The following NRXN1 variants were observed in gnomAD, a reference collection of about 807,000 sequenced individuals.
The protein encoded by NRXN1 is neurexin 1.
In NRXN1, 39 loss-of-function variants were observed where a neutral mutation model predicts 150.9. That is an observed-to-expected ratio of 0.26 (90% CI 0.20 to 0.34). The LOEUF is 0.34. Ranked by LOEUF, NRXN1 falls within the 10% of genes least tolerant of loss-of-function variation. The pLI, the probability that NRXN1 is intolerant of heterozygous loss-of-function variation, is 1.00. For missense variants in NRXN1, 1,815 were observed against 1,949.9 expected, an observed-to-expected ratio of 0.93 and a Z score of 1.30; for synonymous variants, 924 against 757.0, an observed-to-expected ratio of 1.22 and a Z score of -3.62.
At chr2:50,863,155 C>G (rs1410511767) in intron 5 of NRXN1, among the ~76,000 whole-genome samples, 1 of 151,966 alleles carries the variant, frequency 6.6e-6, no homozygotes, top group Admixed American at 6.6e-5. Flanking sequence ...GAAAGTTACA[C>G]TAACAGCTTA....
At chr2:50,791,252 G>T (rs1484704175) in intron 5 of NRXN1, among the ~76,000 whole-genome samples, 2 of 143,870 alleles carry the variant, frequency 1.4e-5, no homozygotes, top group African/African-American at 5.2e-5. Flanking sequence ...ATTGGAAATT[G>T]GATAAGTTCC....
At chr2:50,087,673 G>T (rs1698980909) in intron 19 of NRXN1, among the ~76,000 whole-genome samples, 1 of 152,022 alleles carries the variant, frequency 6.6e-6, no homozygotes, top group Non-Finnish European at 1.5e-5. Context: ...TCTCTATATA[G>T]AAAATAATGG....
intron 17 of NRXN1, among the ~76,000 whole-genome samples, chr2:50,253,681 T>A (rs983768461): frequency 6.6e-6 from 1 of 152,216 alleles, no homozygotes; most frequent in South Asian, 2.1e-4. Context: ...ACATAGTTTT[T>A]GTCTTTAGTT....
chr2:50,951,963 A>ATATATTTTTT (rs1387961788), intron 2 of NRXN1, among the ~76,000 whole-genome samples: 5 of 74,822 alleles, frequency 6.7e-5, no homozygotes, highest in East Asian at 5.0e-4. Flanking sequence ...ATATATATAT[A>ATATATTTTTT]TTTTTTTTTT....
At chr2:50,632,621 G>T (rs146711149) in intron 5 of NRXN1, 1 of 152,010 alleles carries the variant, frequency 6.6e-6, no homozygotes, top group Non-Finnish European at 1.5e-5. Context: ...TGAGAGTCTT[G>T]TTATGAATGG....
chr2:50,931,796 A>G (rs1687780906), intron 2 of NRXN1, among the ~76,000 whole-genome samples: 1 of 152,224 alleles, frequency 6.6e-6, no homozygotes, highest in African/African-American at 2.4e-5. Context: ...GGAATAGGCC[A>G]TTCTTAGCTA....
chr2:50,071,728 G>C (rs1696324178), intron 19 of NRXN1, among the ~76,000 whole-genome samples: 1 of 152,142 alleles, frequency 6.6e-6, no homozygotes, highest in African/African-American at 2.4e-5. Context: ...TTTAAACGTA[G>C]TTTGAAATAA....
chr2:49,999,995 A>G (rs1683639109), intron 21 of NRXN1, among the ~76,000 whole-genome samples: 1 of 152,224 alleles, frequency 6.6e-6, no homozygotes. Context: ...TATATTAAAT[A>G]GAACCTCTCC....
intron 18 of NRXN1, among the ~76,000 whole-genome samples, chr2:50,200,585 G>A (rs999740597): frequency 5.3e-5 from 8 of 152,070 alleles, no homozygotes; most frequent in African/African-American, 1.9e-4. Context: ...GGCTCTCATT[G>A]GTGTAACCCT....
At chr2:50,737,888 G>A (rs1574298002) in intron 5 of NRXN1, among the ~76,000 whole-genome samples, 1 of 151,976 alleles carries the variant, frequency 6.6e-6, no homozygotes, top group African/African-American at 2.4e-5. Flanking sequence ...CTTTAAGAAA[G>A]ACTTTTCTTC....
intron 18 of NRXN1, among the ~76,000 whole-genome samples, chr2:50,189,434 C>T (rs2061313753): frequency 6.6e-6 from 1 of 152,042 alleles, no homozygotes; most frequent in Non-Finnish European, 1.5e-5. Context: ...TTAATGGGTG[C>T]AGCAAACCAC....
chr2:50,440,715 A>G (rs1323627269), intron 17 of NRXN1, among the ~76,000 whole-genome samples: 2 of 152,058 alleles, frequency 1.3e-5, no homozygotes, highest in Non-Finnish European at 2.9e-5. Context: ...ATTATCACAA[A>G]CAATAATCTT....
chr2:51,001,310 A>G (rs10195149), intron 2 of NRXN1, among the ~76,000 whole-genome samples: 93,978 of 149,242 alleles, frequency 0.63, 29,965 homozygotes, highest in East Asian at 0.74. Flanking sequence ...GAATTTTATT[A>G]AGCAAGAGTT....
At chr2:50,478,322 G>A (rs939800519) in intron 15 of NRXN1, among the ~76,000 whole-genome samples, 2 of 152,098 alleles carry the variant, frequency 1.3e-5, no homozygotes, top group Non-Finnish European at 2.9e-5. Flanking sequence ...GAGCTTACAA[G>A]TAAACAAATA....
intron 12 of NRXN1, among the ~76,000 whole-genome samples, chr2:50,516,985 A>C (rs1157431830): frequency 6.6e-6 from 1 of 152,184 alleles, no homozygotes; most frequent in Admixed American, 6.5e-5. Flanking sequence ...GTGCTGACCA[A>C]CTATATTGCA....
At chr2:50,272,026 A>G (rs997527628) in intron 17 of NRXN1, among the ~76,000 whole-genome samples, 2 of 152,090 alleles carry the variant, frequency 1.3e-5, no homozygotes, top group Non-Finnish European at 2.9e-5. Flanking sequence ...TAGACTTAAT[A>G]TTTATTTACA....
At chr2:50,970,260 C>T (rs1694797408) in intron 2 of NRXN1, among the ~76,000 whole-genome samples, 2 of 152,128 alleles carry the variant, frequency 1.3e-5, no homozygotes, top group South Asian at 4.1e-4. Flanking sequence ...TATGGCTAGC[C>T]TTAAGGAGAA....
At chr2:50,187,320 G>A (rs1293606129) in intron 18 of NRXN1, among the ~76,000 whole-genome samples, 3 of 151,966 alleles carry the variant, frequency 2.0e-5, no homozygotes, top group African/African-American at 7.2e-5. Flanking sequence ...GTAAAAAGGT[G>A]GATATATATT....
chr2:50,583,874 G>A (rs1672673145), intron 8 of NRXN1, among the ~76,000 whole-genome samples: 1 of 152,118 alleles, frequency 6.6e-6, no homozygotes. Flanking sequence ...ATTATTACAA[G>A]TATCTCTTCC....
Sources: gnomAD v4.1 joint callset for allele counts (sites outside exome capture counted in the v4.1 genomes callset) on GRCh38, gnomAD v4.1.1 for gene constraint, MANE v1.5 for transcripts, NCBI Gene and HGNC (gene_info 2026-07-23, HGNC 2026-07-21) for gene names.